Variants in TSPEAR observed in about 807,000 individuals in gnomAD.
TSPEAR encodes the protein thrombospondin type laminin G domain and EAR repeats, also known as thrombospondin-type laminin G domain and EAR repeat-containing protein.
Under a neutral mutation model 71.6 loss-of-function variants are expected in TSPEAR, and 69 were observed. That is an observed-to-expected ratio of 0.96 (90% confidence interval 0.79 to 1.18). The LOEUF (loss-of-function observed/expected upper bound fraction) is 1.18, where lower values mean the gene tolerates loss of function less well. TSPEAR is among the 50% of genes most tolerant of loss of function. The pLI is 0.00. For synonymous variants in TSPEAR, 402 were observed against 387.2 expected (o/e 1.04, Z -0.45); for missense variants, 971 against 894.9 (o/e 1.09, Z -1.09).
At chr21:44,528,670 G>A (rs2052905921) in intron 5 of TSPEAR, 87 bp from the exon 6 acceptor site, 2 of 1,537,748 alleles carry the variant, frequency 1.3e-6, no homozygotes, top group Admixed American at 4.0e-5. Context: ...AAACCAGGCT[G>A]CCCTGCCTCA....
rs55879237 is a variant in TSPEAR, at chr21:44,684,046, T to C, written c.82+27387A>G. Among the ~76,000 whole-genome samples the C allele has an allele frequency of 4.5e-3, 691 of 152,266 alleles. 4 individuals carry two copies. The highest frequency in any genetic ancestry group is 0.016 in the African/African-American group (654 of 41,554). On this transcript the variant is annotated intron_variant, in intron 1 of 11. Coordinates refer to ENST00000323084, the MANE Select transcript of TSPEAR (RefSeq NM_144991.3). ...AAGAAAACCACATCCAGGCACATCATGAAGTGATGAAAACCAAAAATGAAG... is the reference window on the plus strand; with the variant it reads ...AAGAAAACCACATCCAGGCACATCACGAAGTGATGAAAACCAAAAATGAAG...
At chr21:44,510,703 G>A (rs951619264) in intron 9 of TSPEAR, 3 of 152,302 alleles carry the variant, frequency 2.0e-5, no homozygotes, top group African/African-American at 7.2e-5. Flanking sequence ...GGAGAGCCTG[G>A]GCTGCAGGGG....
intron 9 of TSPEAR, among the ~76,000 whole-genome samples, chr21:44,515,234 G>A (rs79471541): frequency 6.6e-6 from 1 of 152,246 alleles, no homozygotes; most frequent in Non-Finnish European, 1.5e-5. Flanking sequence ...ATGAAAGTGG[G>A]CTTTGTGAGT....
chr21:44,677,926 A>T (rs922709701), intron 1 of TSPEAR: 1 of 1,394,028 alleles, frequency 7.2e-7, no homozygotes, highest in African/African-American at 1.4e-5. Context: ...CCTCCACCAA[A>T]AAACAAAAGG....
At position 44,628,974 on chromosome 21, in the gene TSPEAR, G is replaced by T. The variant is rs140945766; in HGVS notation, c.83-60969C>A. 2.5e-3 allele frequency among the ~76,000 whole-genome samples: 387 copies of T among 152,288 alleles called. 4 individuals carry two copies. Among genetic ancestry groups the T allele is most frequent in the African/African-American group, 8.2e-3 (341 of 41,548 alleles). On this transcript the variant is annotated intron_variant, in intron 1 of 11. Transcript: ENST00000323084. Reference sequence around the variant, plus strand: ...CCGGTGGGAACAGGAAGGTCTCAGGGCGGCGATGACAGAGGAGTCCCAGGA... The same window carrying T: ...CCGGTGGGAACAGGAAGGTCTCAGGTCGGCGATGACAGAGGAGTCCCAGGA...
chr21:44,558,034 A>C, intron 2 of TSPEAR: 1 of 1,590,016 alleles, frequency 6.3e-7, no homozygotes. Flanking sequence ...AACTCTGGAG[A>C]AACGGGACCT....
rs587718923 is a variant in TSPEAR, at chr21:44,579,231, G to A, written c.83-11226C>T. Among the ~76,000 whole-genome samples the A allele has an allele frequency of 1.6e-4, 24 of 152,262 alleles. 1 individual carries two copies. The South Asian group carries it at 4.4e-3, about 28-fold the overall frequency. On this transcript the variant is annotated intron_variant, in intron 1 of 11. Coordinates refer to ENST00000323084, the MANE Select transcript of TSPEAR (RefSeq NM_144991.3). Reference sequence around the variant, plus strand: ...TGGAGAGCCCCACAGCCCAGGGCACGGCAGCCAATGACCAGGCTCAGGAAG... The same window carrying A: ...TGGAGAGCCCCACAGCCCAGGGCACAGCAGCCAATGACCAGGCTCAGGAAG...
chr21:44,558,261 C>T lies in TSPEAR; in HGVS notation c.303+9524G>A, dbSNP rs782376393. On this transcript the variant is annotated intron_variant, in intron 2 of 11. Transcript: ENST00000323084. Reference sequence around the variant, plus strand: ...GAGGGACACGGAGGAGGAGGGTCTGCAGCAGGAGGTGGTGCAGCAAGCCGG... The same window carrying T: ...GAGGGACACGGAGGAGGAGGGTCTGTAGCAGGAGGTGGTGCAGCAAGCCGG... The T allele has an allele frequency of 3.1e-6, 5 of 1,613,904 alleles. No individual in the cohort carries two copies. The African/African-American group carries it at 6.7e-5, about 22-fold the overall frequency.
intron 1 of TSPEAR, among the ~76,000 whole-genome samples, chr21:44,615,548 G>GT (rs1982024558): frequency 4.4e-5 from 2 of 45,138 alleles, no homozygotes; most frequent in Non-Finnish European, 5.2e-5. Flanking sequence ...CATAACCAAA[G>GT]GTTTTTTTTT....
intron 2 of TSPEAR, among the ~76,000 whole-genome samples, chr21:44,534,647 C>T (rs1433696321): frequency 1.3e-5 from 2 of 152,074 alleles, no homozygotes; most frequent in East Asian, 1.9e-4. Flanking sequence ...GTTATGCTGG[C>T]GACACTGTGG....
At chr21:44,618,866 T>A (rs144181916) in intron 1 of TSPEAR, among the ~76,000 whole-genome samples, 1 of 152,146 alleles carries the variant, frequency 6.6e-6, no homozygotes, top group Non-Finnish European at 1.5e-5. Context: ...AAATTTTCAG[T>A]TGGGAAAACA....
At chr21:44,603,118 G>A (rs781917907) in intron 1 of TSPEAR, among the ~76,000 whole-genome samples, 3 of 152,090 alleles carry the variant, frequency 2.0e-5, no homozygotes, top group Non-Finnish European at 4.4e-5. Flanking sequence ...GAGGAGCAGA[G>A]CCGACCTGCG....
chr21:44,669,205 A>T (rs1238742764), intron 1 of TSPEAR, among the ~76,000 whole-genome samples: 1 of 152,228 alleles, frequency 6.6e-6, no homozygotes, highest in African/African-American at 2.4e-5. Context: ...CGGCTGGATC[A>T]TGAGGTCAAG....
chr21:44,522,245 G>T, intron 8 of TSPEAR, 133 bp from the exon 9 acceptor site: 1 of 774,878 alleles, frequency 1.3e-6, no homozygotes, highest in African/African-American at 1.7e-5. Context: ...CAACCGCTGG[G>T]GACATCCTTT....
intron 1 of TSPEAR, among the ~76,000 whole-genome samples, chr21:44,630,883 A>G (rs797033630): frequency 6.6e-5 from 10 of 152,368 alleles, no homozygotes; most frequent in African/African-American, 2.4e-4. Flanking sequence ...TATAGTCATT[A>G]CTAAAATAGT....
chr21:44,638,571 C>T (rs1555937808), intron 1 of TSPEAR: 3 of 258,262 alleles, frequency 1.2e-5, no homozygotes, highest in South Asian at 6.6e-5. Context: ...CCCTCTGTCT[C>T]TGTCGACCTT....
intron 1 of TSPEAR, among the ~76,000 whole-genome samples, chr21:44,671,189 G>A (rs1555945860): frequency 1.3e-5 from 2 of 152,218 alleles, no homozygotes; most frequent in Non-Finnish European, 2.9e-5. Flanking sequence ...TGCCACCTGG[G>A]AGCTTGGGGA....
chr21:44,572,612 C>T (rs2053820886), intron 1 of TSPEAR, among the ~76,000 whole-genome samples: 1 of 151,888 alleles, frequency 6.6e-6, no homozygotes, highest in Non-Finnish European at 1.5e-5. Flanking sequence ...ATCCCGGGTT[C>T]TGCTCCCGTG....
At chr21:44,502,530 GAAAT>G (rs1284542605) in intron 11 of TSPEAR, among the ~76,000 whole-genome samples, 1 of 152,208 alleles carries the variant, frequency 6.6e-6, no homozygotes, top group Non-Finnish European at 1.5e-5. Context: ...AAAACTCCTG[GAAAT>G]AAATGAGAAC....
Sources: allele counts gnomAD v4.1 joint callset (sites outside exome capture counted in the v4.1 genomes callset), GRCh38; gene constraint gnomAD v4.1.1; transcripts MANE v1.5; gene names NCBI Gene and HGNC (gene_info 2026-07-23, HGNC 2026-07-21).